ENTHD1: variants seen among roughly 807,000 people sequenced by gnomAD.
ENTHD1 encodes the protein ENTH domain containing 1.
A neutral mutation model predicts 39.1 loss-of-function variants in ENTHD1; 23 were observed. That is an observed-to-expected ratio of 0.59 (90% CI 0.42 to 0.83). The LOEUF is 0.83. ENTHD1 is among the 40% of genes least tolerant of loss of function. ENTHD1 has a pLI of 0.00. For synonymous variants in ENTHD1, 230 were observed against 258.2 expected (o/e 0.89, Z 1.05); for missense variants, 624 against 705.4 (o/e 0.88, Z 1.31).
chr22:39,802,900 T>A (rs1228319309), intron 5 of ENTHD1, among the ~76,000 whole-genome samples: 1 of 152,192 alleles, frequency 6.6e-6, no homozygotes, highest in Non-Finnish European at 1.5e-5. Context: ...AACTCCAAAG[T>A]CTATCTCAAA....
chr22:39,749,976 C>T (rs142623755), intron 6 of ENTHD1, among the ~76,000 whole-genome samples: 1 of 152,332 alleles, frequency 6.6e-6, no homozygotes, highest in East Asian at 1.9e-4. Flanking sequence ...AGTGCCTCTT[C>T]AATGGAGGAT....
intron 3 of ENTHD1, among the ~76,000 whole-genome samples, chr22:39,838,284 C>T (rs1359692079): frequency 1.3e-5 from 2 of 152,140 alleles, no homozygotes; most frequent in African/African-American, 2.4e-5. Context: ...GACTGTTTAA[C>T]AAGTCTTTTT....
At chr22:39,874,057 C>T (rs913987512) in intron 2 of ENTHD1, among the ~76,000 whole-genome samples, 1 of 152,110 alleles carries the variant, frequency 6.6e-6, no homozygotes, top group Non-Finnish European at 1.5e-5. Context: ...TGGTGGCAGG[C>T]AAAGAAAGAG....
chr22:39,888,701 T>A (rs1406669483), intron 1 of ENTHD1, among the ~76,000 whole-genome samples: 1 of 152,040 alleles, frequency 6.6e-6, no homozygotes, highest in Non-Finnish European at 1.5e-5. Flanking sequence ...GCTGGGATTA[T>A]AGCCGTGAGC....
intron 6 of ENTHD1, among the ~76,000 whole-genome samples, chr22:39,748,205 T>C (rs2065121422): frequency 6.8e-6 from 1 of 147,832 alleles, no homozygotes; most frequent in Non-Finnish European, 1.5e-5. Flanking sequence ...GCCGTGGTCA[T>C]GCCAGGGCGC....
Position 39,743,580 on chromosome 22 carries a change from C to A in ENTHD1, c.*99G>T. ...ACCTGACAAGGAAAAATTAAACCATCCCCTTTTTTGCCATAATAATATGAA... is the reference window on the plus strand; with the variant it reads ...ACCTGACAAGGAAAAATTAAACCATACCCTTTTTTGCCATAATAATATGAA... On this transcript the variant is annotated 3_prime_UTR_variant, in exon 7 of 7. Coordinates refer to ENST00000325157, the MANE Select transcript of ENTHD1 (RefSeq NM_152512.4). 1 of 1,330,750 alleles carries A rather than the reference C, an allele frequency of 7.5e-7. No homozygotes were observed. Among genetic ancestry groups the A allele is most frequent in the Non-Finnish European group, 9.9e-7 (1 of 1,011,566 alleles). 82.4% of individuals were successfully genotyped at this position (1,330,750 alleles called of 1,614,324 possible). A position where few individuals can be genotyped will look rare whatever the true frequency, so the allele number is the denominator to read the frequency against.
chr22:39,887,689 T>A lies in ENTHD1; in HGVS notation c.60A>T (p.Lys20Asn). 6.3e-7 allele frequency: 1 copy of A among 1,597,900 alleles called. No homozygotes were observed. The highest frequency in any genetic ancestry group is 1.1e-5 in the South Asian group (1 of 88,212). The change falls in exon 2 of 7, where the codon AAA (lysine) becomes AAT (asparagine). Residue 20 changes from lysine to asparagine, a missense_variant. Physicochemically the swap from Lys to Asn is moderately conservative, Grantham distance 94 (BLOSUM62 0). Transcript: ENST00000325157. Reference sequence around the variant, plus strand: ...GGTCGTTAGAAGTTGCTTCCCTGACTTTTATTTCAGCATCTGAGTAATTTT... The same window carrying A: ...GGTCGTTAGAAGTTGCTTCCCTGACATTTATTTCAGCATCTGAGTAATTTT... ...FVKNYSDAEIKVREATSNDPW... is the reference protein window; with the variant it reads ...FVKNYSDAEINVREATSNDPW...
chr22:39,864,233 T>C (rs1569173608), intron 2 of ENTHD1, among the ~76,000 whole-genome samples: 1 of 152,004 alleles, frequency 6.6e-6, no homozygotes, highest in African/African-American at 2.4e-5. Context: ...CCTTCCACCT[T>C]CCCCCTCATT....
intron 3 of ENTHD1, among the ~76,000 whole-genome samples, chr22:39,842,457 G>A (rs111761259): frequency 1.3e-5 from 2 of 151,904 alleles, no homozygotes; most frequent in Non-Finnish European, 1.5e-5. Context: ...TTTTTCTCTA[G>A]ACTTCCCTTC....
chr22:39,816,762 A>G (rs548455210), intron 5 of ENTHD1, among the ~76,000 whole-genome samples: 4 of 152,274 alleles, frequency 2.6e-5, no homozygotes, highest in Admixed American at 2.6e-4. Context: ...ACTAAAAGCC[A>G]TGAAGAAAAA....
At chr22:39,812,974 G>T (rs184135820) in intron 5 of ENTHD1, among the ~76,000 whole-genome samples, 41 of 152,232 alleles carry the variant, frequency 2.7e-4, no homozygotes, top group Non-Finnish European at 5.4e-4. Flanking sequence ...GTAAAGGTGG[G>T]GTTTCACCGT....
chr22:39,787,912 G>A (rs543021684), intron 5 of ENTHD1, among the ~76,000 whole-genome samples: 2 of 152,338 alleles, frequency 1.3e-5, no homozygotes, highest in South Asian at 4.1e-4. Flanking sequence ...GGCAAAAGAT[G>A]CAACTGGTAA....
intron 5 of ENTHD1, among the ~76,000 whole-genome samples, chr22:39,781,740 TA>T (rs975839648): frequency 6.6e-5 from 10 of 150,484 alleles, no homozygotes; most frequent in African/African-American, 2.0e-4. Context: ...TTTGAAAAGA[TA>T]AAAAAAAATT....
Position 39,835,773 on chromosome 22 carries a change from T to G in ENTHD1, c.711+67A>C, listed in dbSNP as rs2065903576. On this transcript the variant is annotated intron_variant, in intron 4 of 6. Coordinates refer to ENST00000325157, the MANE Select transcript of ENTHD1 (RefSeq NM_152512.4). Reference sequence around the variant, plus strand: ...TTCTAACCTACAGAAGATAATAAATTTGTTTGTTTTAAGGCACAAAACTTG... The same window carrying G: ...TTCTAACCTACAGAAGATAATAAATGTGTTTGTTTTAAGGCACAAAACTTG... 3 of 1,122,168 alleles carry G rather than the reference T, an allele frequency of 2.7e-6. No individual in the cohort carries two copies. The East Asian group carries it at 7.5e-5, about 28-fold the overall frequency. The allele number at this position is 1,122,168 out of a possible 1,614,324, so 69.5% of individuals were successfully genotyped here. A position where few individuals can be genotyped will look rare whatever the true frequency, so the allele number is the denominator to read the frequency against.
chr22:39,751,416 G>C (rs185960668), intron 6 of ENTHD1: 171 of 152,628 alleles, frequency 1.1e-3, no homozygotes, highest in African/African-American at 4.0e-3. Flanking sequence ...ATGTATTAGT[G>C]GAGAGGTCTG....
At chr22:39,848,278 G>A (rs1024146814) in intron 3 of ENTHD1, among the ~76,000 whole-genome samples, 5 of 144,536 alleles carry the variant, frequency 3.5e-5, no homozygotes, top group African/African-American at 5.1e-5. Context: ...TTTTTGAGAC[G>A]GAGTCTCACT....
intron 3 of ENTHD1, among the ~76,000 whole-genome samples, chr22:39,847,697 C>T (rs950143018): frequency 7.2e-5 from 11 of 152,044 alleles, no homozygotes; most frequent in African/African-American, 2.7e-4. Context: ...TGAGCTACCA[C>T]ACCCAACGGG....
At chr22:39,886,305 A>G (rs986642770) in intron 2 of ENTHD1, among the ~76,000 whole-genome samples, 2 of 152,204 alleles carry the variant, frequency 1.3e-5, no homozygotes, top group African/African-American at 4.8e-5. Context: ...TCTACTCTGT[A>G]TGATAGTGGA....
chr22:39,786,824 G>C (rs1036267828), intron 5 of ENTHD1, among the ~76,000 whole-genome samples: 3 of 152,146 alleles, frequency 2.0e-5, no homozygotes, highest in African/African-American at 7.2e-5. Context: ...ATTTCACTTA[G>C]CATAATGTCT....
Sources: allele counts gnomAD v4.1 joint callset (sites outside exome capture counted in the v4.1 genomes callset), GRCh38; gene constraint gnomAD v4.1.1; transcripts MANE v1.5; gene names NCBI Gene and HGNC (gene_info 2026-07-23, HGNC 2026-07-21).